The following PTPRD variants were observed in gnomAD, a reference collection of about 807,000 sequenced individuals.
PTPRD encodes protein tyrosine phosphatase receptor type D.
A neutral mutation model predicts 214.5 loss-of-function variants in PTPRD; 34 were observed. That is an observed-to-expected ratio of 0.16 (90% confidence interval 0.12 to 0.21). The LOEUF is 0.21. Ranked by LOEUF, PTPRD falls within the 10% of genes least tolerant of loss-of-function variation. The probability of loss-of-function intolerance (pLI) is 1.00; values close to 1 mark genes in which losing one functional copy is unlikely to be tolerated. For missense variants in PTPRD, 2,545 were observed against 2,398.7 expected, an observed-to-expected ratio of 1.06 and a Z score of -1.27; for synonymous variants, 1,128 against 845.7, an observed-to-expected ratio of 1.33 and a Z score of -5.79.
chr9:8,431,728 G>A (rs1178749371), intron 35 of PTPRD, among the ~76,000 whole-genome samples: 1 of 152,206 alleles, frequency 6.6e-6, no homozygotes. Flanking sequence ...TTAAAATGCA[G>A]ATTTGTGGAT....
At chr9:10,334,665 AAC>A (rs2096813035) in intron 3 of PTPRD, among the ~76,000 whole-genome samples, 1 of 151,394 alleles carries the variant, frequency 6.6e-6, no homozygotes, top group Admixed American at 6.6e-5. Context: ...GAAAATCCAG[AAC>A]AACAACAACA....
At chr9:9,349,248 G>A (rs1446637910) in intron 9 of PTPRD, among the ~76,000 whole-genome samples, 2 of 152,058 alleles carry the variant, frequency 1.3e-5, no homozygotes, top group African/African-American at 2.4e-5. Context: ...AGAATGGCAA[G>A]AAACTTTTTA....
intron 9 of PTPRD, among the ~76,000 whole-genome samples, chr9:9,193,593 T>A (rs546426728): frequency 2.0e-4 from 30 of 152,312 alleles, no homozygotes; most frequent in African/African-American, 7.2e-4. Context: ...CATGTTACCA[T>A]GCTGAATACT....
chr9:8,783,051 C>T (rs189611326), intron 11 of PTPRD, among the ~76,000 whole-genome samples: 126 of 152,296 alleles, frequency 8.3e-4, no homozygotes, highest in Middle Eastern at 6.8e-3. Flanking sequence ...GACTCAATTT[C>T]AGTTTTAAAT....
intron 9 of PTPRD, among the ~76,000 whole-genome samples, chr9:9,386,845 A>T (rs187389401): frequency 7.9e-5 from 12 of 152,174 alleles, no homozygotes; most frequent in Non-Finnish European, 1.8e-4. Flanking sequence ...GTATTTTATG[A>T]AATAAAAGGG....
At chr9:9,889,813 A>ATGTGTG (rs111466805) in intron 5 of PTPRD, among the ~76,000 whole-genome samples, 2 of 141,530 alleles carry the variant, frequency 1.4e-5, no homozygotes, top group Admixed American at 1.4e-4. Flanking sequence ...GTGTGTGTGT[A>ATGTGTG]TGTGTGTGTG....
chr9:9,153,938 C>A (rs1371623761), intron 10 of PTPRD, among the ~76,000 whole-genome samples: 1 of 152,170 alleles, frequency 6.6e-6, no homozygotes, highest in Non-Finnish European at 1.5e-5. Context: ...CAAATATTCA[C>A]TACTCCCACT....
intron 7 of PTPRD, among the ~76,000 whole-genome samples, chr9:9,701,447 A>C (rs1384656146): frequency 6.6e-6 from 1 of 152,100 alleles, no homozygotes; most frequent in Non-Finnish European, 1.5e-5. Flanking sequence ...ATTGTAGGTA[A>C]CTCCCAGTTG....
chr9:10,565,606 C>G (rs563277677), intron 2 of PTPRD, among the ~76,000 whole-genome samples: 31 of 152,154 alleles, frequency 2.0e-4, no homozygotes, highest in African/African-American at 6.5e-4. Context: ...CACACACAAA[C>G]ACACCCCTTT....
intron 4 of PTPRD, among the ~76,000 whole-genome samples, chr9:10,007,826 G>C (rs1382314054): frequency 6.6e-6 from 1 of 151,840 alleles, no homozygotes; most frequent in Non-Finnish European, 1.5e-5. Context: ...TGTTACAATT[G>C]ATGCATAACA....
At chr9:9,675,603 A>G (rs1308152926) in intron 7 of PTPRD, among the ~76,000 whole-genome samples, 2 of 151,978 alleles carry the variant, frequency 1.3e-5, no homozygotes, top group Non-Finnish European at 2.9e-5. Flanking sequence ...AGCAATATAA[A>G]AATTTAATCC....
chr9:9,071,368 A>G (rs956566423), intron 10 of PTPRD, among the ~76,000 whole-genome samples: 2 of 152,192 alleles, frequency 1.3e-5, no homozygotes, highest in Admixed American at 1.3e-4. Flanking sequence ...GTTAGTCAAG[A>G]GGGAAATTAT....
intron 12 of PTPRD, among the ~76,000 whole-genome samples, chr9:8,717,962 C>G (rs1315555732): frequency 2.6e-5 from 4 of 152,178 alleles, no homozygotes; most frequent in Non-Finnish European, 5.9e-5. Context: ...ACTAGTCTGA[C>G]AGCAGTGACT....
chr9:8,624,130 T>G (rs2095922530), intron 14 of PTPRD, among the ~76,000 whole-genome samples: 1 of 151,910 alleles, frequency 6.6e-6, no homozygotes, highest in Non-Finnish European at 1.5e-5. Flanking sequence ...TTGAAGCAAT[T>G]GACTACCTGG....
chr9:8,543,395 T>A (rs542761563), intron 14 of PTPRD, among the ~76,000 whole-genome samples: 5 of 152,336 alleles, frequency 3.3e-5, no homozygotes, highest in African/African-American at 1.2e-4. Context: ...ATGGTTTTGA[T>A]GTTTACCACA....
At chr9:9,402,954 G>C (rs1487255459) in intron 8 of PTPRD, among the ~76,000 whole-genome samples, 1 of 94,476 alleles carries the variant, frequency 1.1e-5, no homozygotes, top group Non-Finnish European at 1.9e-5. Flanking sequence ...TTCAACATTT[G>C]TCTAATAGGG....
At chr9:8,504,152 G>C in intron 23 of PTPRD, 109 bp downstream of exon 23, 1 of 1,111,272 alleles carries the variant, frequency 9.0e-7, no homozygotes, top group Non-Finnish European at 1.3e-6. Flanking sequence ...CTAACCTAGA[G>C]ACTAACTATT....
intron 11 of PTPRD, among the ~76,000 whole-genome samples, chr9:8,784,133 G>A (rs1043204071): frequency 1.3e-5 from 2 of 152,176 alleles, no homozygotes; most frequent in South Asian, 2.1e-4. Flanking sequence ...GAATTTCCCA[G>A]CCAAACGGTG....
At chr9:10,413,526 A>G (rs916334699) in intron 2 of PTPRD, among the ~76,000 whole-genome samples, 27 of 152,060 alleles carry the variant, frequency 1.8e-4, no homozygotes, top group African/African-American at 6.0e-4. Context: ...TAAAATGGCC[A>G]TACTGCCCAA....
Sources: allele counts gnomAD v4.1 joint callset (sites outside exome capture counted in the v4.1 genomes callset), GRCh38; gene constraint gnomAD v4.1.1; transcripts MANE v1.5; gene names NCBI Gene and HGNC (gene_info 2026-07-23, HGNC 2026-07-21).